Variants in GRID1 observed in about 807,000 individuals in gnomAD.
GRID1 encodes glutamate ionotropic receptor delta type subunit 1.
Under a neutral mutation model 98.0 loss-of-function variants are expected in GRID1, and 28 were observed. The ratio of observed to expected loss-of-function variants is 0.29; its 90% CI spans 0.21 to 0.39. GRID1 has a LOEUF of 0.39. GRID1 is among the 10% of genes least tolerant of loss of function. GRID1 has a pLI of 1.00. For missense variants in GRID1, 1,111 were observed against 1,340.5 expected (o/e 0.83, Z 2.67); for synonymous variants, 553 against 538.5 (o/e 1.03, Z -0.37).
At chr10:85,675,032 G>A (rs1841128824) in intron 12 of GRID1, among the ~76,000 whole-genome samples, 1 of 152,156 alleles carries the variant, frequency 6.6e-6, no homozygotes, top group African/African-American at 2.4e-5. Context: ...CTGTTTTGGA[G>A]AAGATAAGAG....
chr10:85,767,975 C>T (rs576360635), intron 8 of GRID1, among the ~76,000 whole-genome samples: 3 of 152,236 alleles, frequency 2.0e-5, no homozygotes, highest in African/African-American at 7.2e-5. Flanking sequence ...GGGATGCAAA[C>T]CACAAAAGCT....
chr10:85,829,495 A>G (rs139739235), intron 8 of GRID1, among the ~76,000 whole-genome samples: 3 of 152,264 alleles, frequency 2.0e-5, no homozygotes, highest in Admixed American at 6.5e-5. Flanking sequence ...CAATAGCAAG[A>G]GATTGGAAGT....
At chr10:86,066,092 TAA>T (rs1843715843) in intron 4 of GRID1, among the ~76,000 whole-genome samples, 1 of 152,160 alleles carries the variant, frequency 6.6e-6, no homozygotes, top group Non-Finnish European at 1.5e-5. Flanking sequence ...AAAGACAGAT[TAA>T]AGAGGGGGAA....
intron 12 of GRID1, among the ~76,000 whole-genome samples, chr10:85,657,768 T>A (rs1023036081): frequency 6.6e-6 from 1 of 152,122 alleles, no homozygotes; most frequent in Non-Finnish European, 1.5e-5. Flanking sequence ...TTGGGCTCCA[T>A]CCTCAGGGTG....
intron 4 of GRID1, among the ~76,000 whole-genome samples, chr10:85,928,230 C>G (rs1178097787): frequency 6.6e-6 from 1 of 152,062 alleles, no homozygotes; most frequent in Admixed American, 6.5e-5. Flanking sequence ...GAGAAAGAGG[C>G]GGAGGATCGT....
At chr10:86,039,780 A>G (rs781585094) in intron 4 of GRID1, among the ~76,000 whole-genome samples, 1 of 152,218 alleles carries the variant, frequency 6.6e-6, no homozygotes, top group Non-Finnish European at 1.5e-5. Context: ...CAGCTCCAAA[A>G]CAGGTCTTTA....
At chr10:85,620,356 G>T (rs1033777701) in intron 13 of GRID1, among the ~76,000 whole-genome samples, 1 of 152,210 alleles carries the variant, frequency 6.6e-6, no homozygotes, top group African/African-American at 2.4e-5. Context: ...AGATTAGAGG[G>T]CTCAGCCATG....
intron 12 of GRID1, among the ~76,000 whole-genome samples, chr10:85,681,472 A>G (rs1841208078): frequency 6.6e-6 from 1 of 152,188 alleles, no homozygotes. Flanking sequence ...TCAAGGCTGG[A>G]GCTCAGACCT....
At chr10:85,854,444 CT>C in intron 8 of GRID1, 51 bp downstream of exon 8, 1 of 1,590,158 alleles carries the variant, frequency 6.3e-7, no homozygotes, top group Non-Finnish European at 8.6e-7. Context: ...CTGTTGCTGT[CT>C]TTGGTGGCAC....
chr10:86,176,675 G>T (rs1845580190), intron 3 of GRID1, among the ~76,000 whole-genome samples: 1 of 152,250 alleles, frequency 6.6e-6, no homozygotes, highest in African/African-American at 2.4e-5. Context: ...TTCAAGCTTG[G>T]ATCTGACTAA....
intron 6 of GRID1, among the ~76,000 whole-genome samples, chr10:85,859,263 A>G (rs1843141524): frequency 6.6e-6 from 1 of 152,230 alleles, no homozygotes; most frequent in Non-Finnish European, 1.5e-5. Context: ...AACACATGGT[A>G]GACACATGTA....
At chr10:85,613,773 G>A in intron 14 of GRID1, 126 bp from the exon 15 acceptor site, 2 of 1,116,568 alleles carry the variant, frequency 1.8e-6, no homozygotes, top group Non-Finnish European at 2.6e-6. Context: ...GCAGCTTTCT[G>A]CCTTAGCTCT....
rs61856637 is a variant in GRID1, at chr10:86,366,155, G to T, written c.79+159C>A. On this transcript the variant is annotated intron_variant, in intron 1 of 15. Transcript: ENST00000327946. This position sits in a 1 kb window ranked among gnomAD's most constrained non-coding sequence, Gnocchi z 4.1. ...CAGCCAGCGGGAGCGCGGCGCGGCC[G>T]GTGCACAGCTCCTCCGCCGGGCGGC... 1.3e-5 allele frequency among the ~76,000 whole-genome samples: 2 copies of T among 151,496 alleles called. No homozygotes were observed. The highest frequency in any genetic ancestry group is 3.9e-4 in the East Asian group (2 of 5,078).
At chr10:86,170,539 G>C (rs1276692479) in intron 3 of GRID1, among the ~76,000 whole-genome samples, 1 of 152,234 alleles carries the variant, frequency 6.6e-6, no homozygotes. Context: ...TGCTGGGCCT[G>C]CCCATCTTTA....
chr10:86,146,823 G>C (rs1589387628), intron 3 of GRID1, among the ~76,000 whole-genome samples: 1 of 152,292 alleles, frequency 6.6e-6, no homozygotes, highest in East Asian at 1.9e-4. Context: ...CACTTACTGA[G>C]TACCTCCTAT....
chr10:85,751,759 A>C (rs1842047887), intron 8 of GRID1, among the ~76,000 whole-genome samples: 1 of 152,210 alleles, frequency 6.6e-6, no homozygotes, highest in Non-Finnish European at 1.5e-5. Flanking sequence ...AGATCCAAAA[A>C]TTAATGATTT....
intron 12 of GRID1, among the ~76,000 whole-genome samples, chr10:85,656,768 C>G (rs183373087): frequency 6.6e-6 from 1 of 152,318 alleles, no homozygotes; most frequent in East Asian, 1.9e-4. Context: ...AGAATCAGAT[C>G]ACTTATCATG....
chr10:86,332,603 A>G (rs1440008175), intron 2 of GRID1, among the ~76,000 whole-genome samples: 1 of 151,914 alleles, frequency 6.6e-6, no homozygotes, highest in Non-Finnish European at 1.5e-5. Flanking sequence ...TGGAATTGAC[A>G]CTGTGTCCCA....
chr10:85,690,685 T>C (rs1248896344), intron 12 of GRID1, among the ~76,000 whole-genome samples: 1 of 152,196 alleles, frequency 6.6e-6, no homozygotes, highest in African/African-American at 2.4e-5. Context: ...ACTTTTTCCT[T>C]TCTAAGTGTT....
Sources: gnomAD v4.1 joint callset for allele counts (sites outside exome capture counted in the v4.1 genomes callset) on GRCh38, gnomAD v4.1.1 for gene constraint, Gnocchi (gnomAD v3.1) non-coding constraint, MANE v1.5 for transcripts, NCBI Gene and HGNC (gene_info 2026-07-23, HGNC 2026-07-21) for gene names.